HACD2: variants seen among roughly 807,000 people sequenced by gnomAD.
The protein encoded by HACD2 is 3-hydroxyacyl-CoA dehydratase 2.
HACD2 carries 15 observed loss-of-function variants against 31.0 expected under a neutral mutation model. The observed-to-expected ratio is 0.48, with a 90% CI of 0.32 to 0.75. The LOEUF (loss-of-function observed/expected upper bound fraction) is 0.75, where lower values mean the gene tolerates loss of function less well. Ranked by LOEUF, HACD2 falls within the 30% of genes least tolerant of loss-of-function variation. The pLI, the probability that HACD2 is intolerant of heterozygous loss-of-function variation, is 0.03. For missense variants in HACD2, 283 were observed against 313.0 expected (o/e 0.90, Z 0.72); for synonymous variants, 115 against 122.2 (o/e 0.94, Z 0.39).
chr3:123,561,776 C>CA (rs199889755), intron 3 of HACD2, among the ~76,000 whole-genome samples: 10 of 149,240 alleles, frequency 6.7e-5, no homozygotes, highest in African/African-American at 2.5e-4. Context: ...TGCAGTATTA[C>CA]GGAAAAAAAA....
At chr3:123,543,603 C>T (rs1698125828) in intron 3 of HACD2, 4 of 319,892 alleles carry the variant, frequency 1.3e-5, no homozygotes, top group Non-Finnish European at 1.8e-5. Flanking sequence ...AAAAAATAAA[C>T]TCATTTAAAG....
intron 2 of HACD2, among the ~76,000 whole-genome samples, chr3:123,574,006 G>C (rs542730520): frequency 9.9e-5 from 15 of 152,234 alleles, no homozygotes; most frequent in African/African-American, 3.4e-4. Flanking sequence ...ATAATGAATC[G>C]AGGGCGAGAG....
intron 2 of HACD2, among the ~76,000 whole-genome samples, chr3:123,572,031 T>C (rs2056860791): frequency 6.6e-6 from 1 of 152,188 alleles, no homozygotes; most frequent in Non-Finnish European, 1.5e-5. Context: ...ATCTAGCCAG[T>C]AGCATCTCCA....
chr3:123,546,239 C>G (rs974365075), intron 3 of HACD2, among the ~76,000 whole-genome samples: 7 of 152,154 alleles, frequency 4.6e-5, no homozygotes, highest in African/African-American at 9.7e-5. Flanking sequence ...ACACTGAGTA[C>G]TGTACTATCA....
chr3:123,543,124 T>C (rs1248583411), intron 3 of HACD2, among the ~76,000 whole-genome samples: 1 of 152,156 alleles, frequency 6.6e-6, no homozygotes, highest in Non-Finnish European at 1.5e-5. Context: ...CTCATTCCGT[T>C]TTAAATTACA....
chr3:123,554,800 G>A (rs1322128862), intron 3 of HACD2, among the ~76,000 whole-genome samples: 1 of 151,892 alleles, frequency 6.6e-6, no homozygotes, highest in Admixed American at 6.5e-5. Flanking sequence ...AAAGTAGAGG[G>A]TCATGATTTT....
chr3:123,548,092 G>A (rs112862738), intron 3 of HACD2, among the ~76,000 whole-genome samples: 3,739 of 152,198 alleles, frequency 0.025, 66 homozygotes, highest in Middle Eastern at 0.088. Context: ...GGTGGGTGGT[G>A]CTAACAATAC....
At chr3:123,524,583 T>C (rs1485767384) in intron 4 of HACD2, among the ~76,000 whole-genome samples, 4 of 152,232 alleles carry the variant, frequency 2.6e-5, no homozygotes, top group African/African-American at 9.6e-5. Context: ...AAAGCACCTA[T>C]GGATCTCACA....
intron 3 of HACD2, among the ~76,000 whole-genome samples, chr3:123,538,874 A>G (rs1281284705): frequency 6.6e-6 from 1 of 152,216 alleles, no homozygotes; most frequent in Non-Finnish European, 1.5e-5. Context: ...CAATTATATC[A>G]TATGGCATTC....
chr3:123,580,113 G>C (rs1274267869), intron 2 of HACD2, among the ~76,000 whole-genome samples: 1 of 151,018 alleles, frequency 6.6e-6, no homozygotes, highest in African/African-American at 2.4e-5. Context: ...GTTGCAGTGA[G>C]CCGAGATCCC....
intron 6 of HACD2, 93 bp downstream of exon 6, chr3:123,500,422 C>T (rs2055888489): frequency 1.3e-6 from 1 of 777,930 alleles, no homozygotes; most frequent in Non-Finnish European, 2.0e-6. Flanking sequence ...TTTACATTTA[C>T]TTGGATATAG....
intron 3 of HACD2, among the ~76,000 whole-genome samples, chr3:123,546,754 A>C (rs1275733066): frequency 6.6e-6 from 1 of 152,236 alleles, no homozygotes; most frequent in African/African-American, 2.4e-5. Context: ...TGAGAAAATG[A>C]ACTCAATATC....
In HACD2 at chr3:123,584,950, G is replaced by C; in HGVS notation, c.78C>G (p.Ser26Arg). The C allele has an allele frequency of 6.5e-7, 1 of 1,528,084 alleles. No homozygotes were observed. The highest frequency in any genetic ancestry group is 8.8e-7 in the Non-Finnish European group (1 of 1,137,652). The allele number at this position is 1,528,084 out of a possible 1,614,324, so 94.7% of individuals were successfully genotyped here. The change falls in exon 1 of 7, where the codon AGC becomes AGG. Residue 26 changes from serine (S) to arginine (R), a missense_variant. Physicochemically the swap from Ser to Arg is moderately radical, Grantham distance 110. Around this residue, in one of 3 missense-constraint regions of HACD2, gnomAD observed 158 missense variants for 148.3 expected, o/e 1.07. Transcript: ENST00000383657. ...GGGRAGAGDA[S>R]GTRKKKGPGP... ...CCGGGCCCTTCTTCTTCCGCGTGCC[G>C]CTGGCGTCCCCGGCCCCGGCCCTGC...
intron 3 of HACD2, among the ~76,000 whole-genome samples, chr3:123,564,116 C>T (rs747237166): frequency 1.3e-5 from 2 of 152,232 alleles, no homozygotes; most frequent in Non-Finnish European, 2.9e-5. Flanking sequence ...GACTGAATGG[C>T]TGGTGGCCGG....
intron 4 of HACD2, among the ~76,000 whole-genome samples, chr3:123,527,648 C>T (rs888173029): frequency 6.6e-5 from 10 of 152,090 alleles, no homozygotes; most frequent in South Asian, 2.1e-4. Context: ...AGCTTAATAA[C>T]GAAACAAAAC....
chr3:123,569,818 T>C lies in HACD2; in HGVS notation c.274-2038A>G, dbSNP rs1182941803. Among the ~76,000 whole-genome samples the C allele has an allele frequency of 6.6e-5, 10 of 151,652 alleles. No individual in the cohort carries two copies. The East Asian group carries it at 1.6e-3, about 24-fold the overall frequency. Reference sequence around the variant, plus strand: ...GCTTGGCCAACATGGTGAAACCCCATCTCTACTAAAAATACAAAAAATTAG... The same window carrying C: ...GCTTGGCCAACATGGTGAAACCCCACCTCTACTAAAAATACAAAAAATTAG... On this transcript the variant is annotated intron_variant, in intron 2 of 6. Coordinates refer to ENST00000383657, the MANE Select transcript of HACD2 (RefSeq NM_198402.5).
chr3:123,536,811 AAG>A (rs2056431950), intron 3 of HACD2, among the ~76,000 whole-genome samples: 1 of 152,224 alleles, frequency 6.6e-6, no homozygotes. Flanking sequence ...GTCTGAGTCA[AAG>A]AGAGTATGTT....
At position 123,553,517 on chromosome 3, in the gene HACD2, T is replaced by C. The variant is rs186131926; in HGVS notation, c.292+14245A>G. 1.3e-3 allele frequency among the ~76,000 whole-genome samples: 197 copies of C among 152,378 alleles called. 8 individuals are homozygous for C. The East Asian group carries it at 0.028, about 22-fold the overall frequency. ...TGCCATGGGCCCTGGGCATTCCTGC[T>C]AGGTATGCCAAAAAGGCAAGCTCCT... On this transcript the variant is annotated intron_variant, in intron 3 of 6. Coordinates refer to ENST00000383657, the MANE Select transcript of HACD2 (RefSeq NM_198402.5).
At chr3:123,559,737 G>C (rs2056708228) in intron 3 of HACD2, among the ~76,000 whole-genome samples, 1 of 152,196 alleles carries the variant, frequency 6.6e-6, no homozygotes, top group African/African-American at 2.4e-5. Flanking sequence ...TCCAAAGAAA[G>C]ACTTAGTTGT....
Sources: gnomAD v4.1 joint callset for allele counts (sites outside exome capture counted in the v4.1 genomes callset) on GRCh38, gnomAD v4.1.1 for gene constraint, gnomAD v4.1.1 regional missense constraint, MANE v1.5 for transcripts, NCBI Gene and HGNC (gene_info 2026-07-23, HGNC 2026-07-21) for gene names.